RBFOX1: variants seen among roughly 807,000 people sequenced by gnomAD.
The protein encoded by RBFOX1 is RNA binding protein fox-1 homolog 1.
A neutral mutation model predicts 57.7 loss-of-function variants in RBFOX1; 8 were observed. The ratio of observed to expected loss-of-function variants is 0.14; its 90% CI spans 0.08 to 0.25. The LOEUF (loss-of-function observed/expected upper bound fraction) is 0.25. Among genes scored for constraint, RBFOX1 ranks in the 10% least tolerant of loss-of-function variants. RBFOX1 has a pLI of 1.00. For missense variants in RBFOX1, 611 were observed against 548.5 expected, an observed-to-expected ratio of 1.11 and a Z score of -1.14; for synonymous variants, 326 against 222.4, an observed-to-expected ratio of 1.47 and a Z score of -4.15.
At chr16:5,778,730 A>G (rs1158920932) in intron 3 of RBFOX1, among the ~76,000 whole-genome samples, 2 of 152,164 alleles carry the variant, frequency 1.3e-5, no homozygotes, top group African/African-American at 2.4e-5. Flanking sequence ...GAGGGTGAAT[A>G]GGAGGTGACC....
intron 1 of RBFOX1, among the ~76,000 whole-genome samples, chr16:6,130,063 G>T (rs1355826850): frequency 6.6e-6 from 1 of 151,990 alleles, no homozygotes; most frequent in Non-Finnish European, 1.5e-5. Context: ...GAGAGCAGAA[G>T]GAAGCTCTGA....
chr16:5,830,305 A>ATAGGCAATCCAATTGTCTAACAGG (rs2056219030), intron 3 of RBFOX1, among the ~76,000 whole-genome samples: 1 of 152,058 alleles, frequency 6.6e-6, no homozygotes, highest in African/African-American at 2.4e-5. Flanking sequence ...TTAGCCCAGC[A>ATAGGCAATCCAATTGTCTAACAGG]TAGGCAATCC....
chr16:5,911,660 A>G (rs11862945), intron 4 of RBFOX1, among the ~76,000 whole-genome samples: 55,038 of 152,006 alleles, frequency 0.36, 10,182 homozygotes, highest in East Asian at 0.51. Context: ...CCACTTCTAA[A>G]CAGCAGAGAT....
intron 2 of RBFOX1, among the ~76,000 whole-genome samples, chr16:6,572,752 C>G (rs2097362794): frequency 6.6e-6 from 1 of 152,250 alleles, no homozygotes; most frequent in South Asian, 2.1e-4. Context: ...GATATGCACC[C>G]AGCTAATTTT....
At chr16:6,718,573 C>A (rs779768768) in intron 3 of RBFOX1, among the ~76,000 whole-genome samples, 1 of 152,032 alleles carries the variant, frequency 6.6e-6, no homozygotes, top group Admixed American at 6.6e-5. Context: ...GATTTGTGTC[C>A]CCGCCCAAAT....
intron 3 of RBFOX1, among the ~76,000 whole-genome samples, chr16:6,898,216 A>G (rs1380900307): frequency 1.3e-5 from 2 of 152,056 alleles, no homozygotes; most frequent in African/African-American, 2.4e-5. Context: ...GTTTGCACCC[A>G]TGGCCGCCCC....
intron 1 of RBFOX1, among the ~76,000 whole-genome samples, chr16:5,438,859 G>A (rs2067997470): frequency 6.6e-6 from 1 of 152,182 alleles, no homozygotes; most frequent in East Asian, 1.9e-4. Context: ...ACCACGAGTC[G>A]AGTAGGAGGT....
intron 1 of RBFOX1, among the ~76,000 whole-genome samples, chr16:6,158,341 C>G (rs2096853316): frequency 6.6e-6 from 1 of 152,182 alleles, no homozygotes; most frequent in Non-Finnish European, 1.5e-5. Context: ...CTGTTTTGTT[C>G]TGTGTCAGAA....
chr16:6,653,648 G>A (rs941047804), intron 2 of RBFOX1, among the ~76,000 whole-genome samples: 10 of 151,488 alleles, frequency 6.6e-5, no homozygotes, highest in Admixed American at 3.3e-4. Context: ...TGAATGGATG[G>A]ATGGATGAAT....
chr16:6,754,532 C>T (rs1407813171), intron 3 of RBFOX1, among the ~76,000 whole-genome samples: 1 of 152,112 alleles, frequency 6.6e-6, no homozygotes, highest in Non-Finnish European at 1.5e-5. Flanking sequence ...ACTGCTCCCT[C>T]CTCTGCACTA....
chr16:6,605,866 G>A (rs899637837), intron 2 of RBFOX1, among the ~76,000 whole-genome samples: 3 of 152,296 alleles, frequency 2.0e-5, no homozygotes, highest in South Asian at 2.1e-4. Context: ...CTAGGAGTCT[G>A]AGGCGGGTGG....
At chr16:6,195,230 A>G (rs2097172109) in intron 1 of RBFOX1, among the ~76,000 whole-genome samples, 1 of 152,210 alleles carries the variant, frequency 6.6e-6, no homozygotes, top group East Asian at 1.9e-4. Context: ...GTTTTCTTTC[A>G]TCTTGGCAAT....
chr16:6,959,917 CAA>C (rs1456759339), intron 3 of RBFOX1, among the ~76,000 whole-genome samples: 2 of 152,082 alleles, frequency 1.3e-5, no homozygotes, highest in African/African-American at 4.8e-5. Flanking sequence ...GCCTGGGCGA[CAA>C]GAGCGAAACT....
At chr16:7,630,547 T>C in intron 10 of RBFOX1, 56 bp from the exon 11 acceptor site, 2 of 1,608,450 alleles carry the variant, frequency 1.2e-6, no homozygotes, top group Middle Eastern at 3.3e-4. Context: ...CCGTGATCTC[T>C]CAGGTGTAGT....
intron 2 of RBFOX1, among the ~76,000 whole-genome samples, chr16:5,516,132 C>G (rs1567182332): frequency 2.0e-5 from 3 of 152,144 alleles, no homozygotes; most frequent in Non-Finnish European, 2.9e-5. Flanking sequence ...CCTTCTGAGT[C>G]CTGTGTCTGG....
chr16:6,423,560 G>C lies in RBFOX1; in HGVS notation c.-64+106503G>C, dbSNP rs145674991. Reference sequence around the variant, plus strand: ...ATTGCAGTGAGCCAAGATTGTGCCAGTGCACTCCAGCCTGGCTGGGTGACA... The same window carrying C: ...ATTGCAGTGAGCCAAGATTGTGCCACTGCACTCCAGCCTGGCTGGGTGACA... On this transcript the variant is annotated intron_variant, in intron 2 of 15. Transcript: ENST00000550418. Among the ~76,000 whole-genome samples, 448 of 152,242 alleles carry C rather than the reference G, an allele frequency of 2.9e-3. 2 individuals carry two copies. Among genetic ancestry groups the C allele is most frequent in the African/African-American group, 0.01 (425 of 41,546 alleles).
chr16:5,586,938 G>A (rs924385019), intron 2 of RBFOX1, among the ~76,000 whole-genome samples: 1 of 152,202 alleles, frequency 6.6e-6, no homozygotes, highest in African/African-American at 2.4e-5. Context: ...GTTCTTAAAT[G>A]TTACTGGCTG....
At chr16:5,301,882 A>C (rs988477983) in intron 1 of RBFOX1, among the ~76,000 whole-genome samples, 1 of 152,142 alleles carries the variant, frequency 6.6e-6, no homozygotes, top group Non-Finnish European at 1.5e-5. Context: ...TATTGATTTT[A>C]TTCATTATTT....
At chr16:6,739,359 A>G (rs1163019326) in intron 3 of RBFOX1, among the ~76,000 whole-genome samples, 1 of 152,158 alleles carries the variant, frequency 6.6e-6, no homozygotes, top group Non-Finnish European at 1.5e-5. Flanking sequence ...GCACTTACTC[A>G]TTTGAGAGCT....
Sources: allele counts gnomAD v4.1 joint callset (sites outside exome capture counted in the v4.1 genomes callset), GRCh38; gene constraint gnomAD v4.1.1; transcripts MANE v1.5; gene names NCBI Gene and HGNC (gene_info 2026-07-23, HGNC 2026-07-21).